The following PHTF2 variants were observed in gnomAD, a reference collection of about 807,000 sequenced individuals.
PHTF2 encodes putative homeodomain transcription factor 2.
Under a neutral mutation model 101.2 loss-of-function variants are expected in PHTF2, and 60 were observed. That is an observed-to-expected ratio of 0.59 (90% CI 0.48 to 0.73). The LOEUF (loss-of-function observed/expected upper bound fraction) is 0.73. Among genes scored for constraint, PHTF2 ranks in the 30% least tolerant of loss-of-function variants. The probability of loss-of-function intolerance (pLI) is 0.00; values close to 1 mark genes in which losing one functional copy is unlikely to be tolerated. For synonymous variants in PHTF2, 311 were observed against 307.3 expected (o/e 1.01, Z -0.13); for missense variants, 747 against 908.7 (o/e 0.82, Z 2.29).
chr7:77,896,828 T>C (rs1463246901), intron 5 of PHTF2, among the ~76,000 whole-genome samples: 1 of 152,198 alleles, frequency 6.6e-6, no homozygotes, highest in Non-Finnish European at 1.5e-5. Context: ...ATTGAGTTTG[T>C]CCAATGTAAT....
intron 2 of PHTF2, among the ~76,000 whole-genome samples, chr7:77,849,060 T>C (rs1796530631): frequency 1.3e-5 from 2 of 152,086 alleles, no homozygotes; most frequent in Non-Finnish European, 2.9e-5. Flanking sequence ...TTTCTGGGCT[T>C]CTATTGTGTT....
At chr7:77,910,943 A>G (rs559388315) in intron 9 of PHTF2, among the ~76,000 whole-genome samples, 1 of 152,084 alleles carries the variant, frequency 6.6e-6, no homozygotes, top group African/African-American at 2.4e-5. Context: ...ATATTTCTGA[A>G]GTACTATTTT....
exon 20 of PHTF2, chr7:77,957,494 G>A (rs914712748): frequency 6.5e-6 from 1 of 153,004 alleles, no homozygotes; most frequent in Non-Finnish European, 1.5e-5. Context: ...AAAGCTCATT[G>A]TGAAAAGATA....
At chr7:77,832,563 G>C (rs1383880388) in intron 1 of PHTF2, among the ~76,000 whole-genome samples, 1 of 152,172 alleles carries the variant, frequency 6.6e-6, no homozygotes, top group Non-Finnish European at 1.5e-5. Flanking sequence ...ACTATCCTGA[G>C]ATTGCCACAA....
chr7:77,910,766 C>T (rs551244719), intron 9 of PHTF2, among the ~76,000 whole-genome samples: 15 of 152,098 alleles, frequency 9.9e-5, no homozygotes, highest in African/African-American at 3.1e-4. Context: ...CTCAGCCACC[C>T]GAGTAGCTGG....
At chr7:77,854,890 C>A in intron 3 of PHTF2, 1 of 709,468 alleles carries the variant, frequency 1.4e-6, no homozygotes. Context: ...TGCTCTGGCC[C>A]ATGCTGGGTC....
intron 17 of PHTF2, among the ~76,000 whole-genome samples, chr7:77,950,812 G>T (rs1008422429): frequency 3.3e-5 from 5 of 152,134 alleles, no homozygotes; most frequent in Non-Finnish European, 5.9e-5. Flanking sequence ...GTTTACACAC[G>T]GTTTTGGTTT....
At chr7:77,838,138 A>G (rs1795610850) in intron 1 of PHTF2, among the ~76,000 whole-genome samples, 2 of 152,174 alleles carry the variant, frequency 1.3e-5, no homozygotes, top group Admixed American at 1.3e-4. Context: ...TGTAGTGTGT[A>G]TTGAATAGTC....
At chr7:77,911,844 C>A (rs1008928104) in intron 9 of PHTF2, among the ~76,000 whole-genome samples, 4 of 152,144 alleles carry the variant, frequency 2.6e-5, no homozygotes, top group Admixed American at 2.6e-4. Flanking sequence ...TCTCTCTCTT[C>A]TTTAGTCTTT....
chr7:77,809,244 T>TTTTTTTTTTTA (rs1276080098), intron 1 of PHTF2, among the ~76,000 whole-genome samples: 1 of 128,904 alleles, frequency 7.8e-6, no homozygotes, highest in African/African-American at 3.0e-5. Context: ...TTTTTTTTTT[T>TTTTTTTTTTTA]GAGATGGAGT....
intron 9 of PHTF2, among the ~76,000 whole-genome samples, chr7:77,916,335 T>A (rs1183503719): frequency 6.6e-6 from 1 of 152,214 alleles, no homozygotes; most frequent in Admixed American, 6.5e-5. Flanking sequence ...TAAGTCTCAG[T>A]AACCTGTGTT....
chr7:77,842,022 ATAT>A (rs934777250), intron 2 of PHTF2, among the ~76,000 whole-genome samples: 1 of 152,154 alleles, frequency 6.6e-6, no homozygotes, highest in African/African-American at 2.4e-5. Flanking sequence ...AGGGTTTGAA[ATAT>A]TATACTCAGA....
At chr7:77,839,751 A>G (rs1010707555) in intron 1 of PHTF2, among the ~76,000 whole-genome samples, 5 of 152,136 alleles carry the variant, frequency 3.3e-5, no homozygotes, top group Admixed American at 6.5e-5. Flanking sequence ...GGTTATTTTA[A>G]TTCAGTTTTG....
rs534880912 is a variant in PHTF2, at chr7:77,817,967, G to A, written c.-36+18996G>A. 5.3e-5 allele frequency among the ~76,000 whole-genome samples: 8 copies of A among 151,912 alleles called. No individual in the cohort carries two copies. The East Asian group carries it at 9.7e-4, about 18-fold the overall frequency. On this transcript the variant is annotated intron_variant, in intron 1 of 19. Coordinates refer to ENST00000416283, the Ensembl canonical transcript of PHTF2. ...TACTAAAAATACAAAAAAATTAGCC[G>A]GGCATGGTGGCGGGCGCCTGTAATC...
At chr7:77,913,160 G>A (rs531872821) in intron 9 of PHTF2, among the ~76,000 whole-genome samples, 43 of 152,106 alleles carry the variant, frequency 2.8e-4, no homozygotes, top group South Asian at 8.3e-4. Context: ...GGCCAAGGCG[G>A]GTGGATCACC....
At chr7:77,890,754 C>T (rs1191765018) in intron 3 of PHTF2, among the ~76,000 whole-genome samples, 4 of 151,402 alleles carry the variant, frequency 2.6e-5, no homozygotes, top group Non-Finnish European at 5.9e-5. Flanking sequence ...TACAGATGCC[C>T]GCCACCACAC....
chr7:77,870,166 G>T lies in PHTF2; in HGVS notation c.147+15332G>T, dbSNP rs778617431. On this transcript the variant is annotated intron_variant, in intron 3 of 19. Transcript: ENST00000416283. ...ACCCCAAAATTCTTTGCCTAGATCA[G>T]TGTCCTGAAGTGTTTCTCCAATGTT... Among the ~76,000 whole-genome samples, 76 of 151,252 alleles carry T rather than the reference G, an allele frequency of 5.0e-4. 1 individual carries two copies. The highest frequency in any genetic ancestry group is 8.5e-4 in the Non-Finnish European group (58 of 67,892).
intron 1 of PHTF2, among the ~76,000 whole-genome samples, chr7:77,834,735 T>C (rs1170838445): frequency 6.6e-6 from 1 of 152,240 alleles, no homozygotes; most frequent in African/African-American, 2.4e-5. Context: ...AACTTGGATC[T>C]AGAACCCAAT....
chr7:77,862,458 A>G (rs1163762008), intron 3 of PHTF2, among the ~76,000 whole-genome samples: 1 of 152,140 alleles, frequency 6.6e-6, no homozygotes, highest in African/African-American at 2.4e-5. Flanking sequence ...TTTTTTGGAT[A>G]AAAGGAATAG....
Sources: allele counts gnomAD v4.1 joint callset (sites outside exome capture counted in the v4.1 genomes callset), GRCh38; gene constraint gnomAD v4.1.1; transcripts MANE v1.5; gene names NCBI Gene and HGNC (gene_info 2026-07-23, HGNC 2026-07-21).